The following PRIM1 variants were observed in gnomAD, a reference collection of about 807,000 sequenced individuals.
PRIM1 encodes DNA primase subunit 1.
Under a neutral mutation model 60.2 loss-of-function variants are expected in PRIM1, and 38 were observed. The ratio of observed to expected loss-of-function variants is 0.63; its 90% CI spans 0.49 to 0.83. The LOEUF (loss-of-function observed/expected upper bound fraction) is 0.83, where lower values mean the gene tolerates loss of function less well. Ranked by LOEUF, PRIM1 falls within the 40% of genes least tolerant of loss-of-function variation. The probability of loss-of-function intolerance (pLI) is 0.00; values close to 1 mark genes in which losing one functional copy is unlikely to be tolerated. For synonymous variants in PRIM1, 158 were observed against 160.2 expected (o/e 0.99, Z 0.10); for missense variants, 388 against 506.2 (o/e 0.77, Z 2.24).
intron 5 of PRIM1, among the ~76,000 whole-genome samples, chr12:56,744,566 T>G (rs1188031685): frequency 6.6e-6 from 1 of 152,148 alleles, no homozygotes; most frequent in Non-Finnish European, 1.5e-5. Flanking sequence ...TTTCTATGTT[T>G]AGGTATGTTT....
intron 2 of PRIM1, among the ~76,000 whole-genome samples, chr12:56,747,663 T>C (rs536125564): frequency 1.3e-5 from 2 of 152,296 alleles, no homozygotes; most frequent in East Asian, 3.9e-4. Context: ...GGAGTATCAT[T>C]GAACCCGGGA....
intron 1 of PRIM1, 31 bp downstream of exon 1, chr12:56,752,165 C>G: frequency 6.7e-7 from 1 of 1,493,486 alleles, no homozygotes; most frequent in Non-Finnish European, 9.2e-7. Flanking sequence ...CCTCACACTC[C>G]GCTCCCGAAC....
chr12:56,752,158 CA>C (rs1231962458), intron 1 of PRIM1, 37 bp downstream of exon 1: 1 of 1,462,024 alleles, frequency 6.8e-7, no homozygotes, highest in South Asian at 1.2e-5. Flanking sequence ...CCAACCTCCT[CA>C]CACTCCGCTC....
At chr12:56,750,894 G>A (rs996086355) in intron 2 of PRIM1, 144 bp downstream of exon 2, 1 of 507,892 alleles carries the variant, frequency 2.0e-6, no homozygotes, top group African/African-American at 2.0e-5. Context: ...GAACAAAAAA[G>A]GATTAATCAC....
At chr12:56,739,440 G>T in intron 9 of PRIM1, 77 bp from the exon 10 acceptor site, 2 of 1,024,026 alleles carry the variant, frequency 2.0e-6, no homozygotes, top group South Asian at 4.3e-5. Flanking sequence ...GTTATTTTTG[G>T]TTAAAATTTT....
At chr12:56,747,404 A>G (rs1271649863) in intron 2 of PRIM1, among the ~76,000 whole-genome samples, 2 of 152,162 alleles carry the variant, frequency 1.3e-5, no homozygotes, top group Non-Finnish European at 1.5e-5. Flanking sequence ...TTTTTCAATA[A>G]TTCAAAAAGA....
chr12:56,738,918 A>G (rs908569893), intron 10 of PRIM1, among the ~76,000 whole-genome samples: 2 of 152,220 alleles, frequency 1.3e-5, no homozygotes, highest in South Asian at 2.1e-4. Flanking sequence ...TGTGAATCCC[A>G]TAAAATTTAC....
At chr12:56,732,644 C>T (rs1394202598) in intron 12 of PRIM1, among the ~76,000 whole-genome samples, 1 of 152,138 alleles carries the variant, frequency 6.6e-6, no homozygotes, top group Non-Finnish European at 1.5e-5. Flanking sequence ...TAGCCCATCA[C>T]TTCTGGACAC....
chr12:56,732,853 T>G (rs1052040533), intron 12 of PRIM1, among the ~76,000 whole-genome samples: 1 of 151,896 alleles, frequency 6.6e-6, no homozygotes, highest in Non-Finnish European at 1.5e-5. Context: ...CATTAGGGAT[T>G]AGAAATTTTT....
chr12:56,749,365 T>C (rs1360417651), intron 2 of PRIM1, among the ~76,000 whole-genome samples: 8 of 152,130 alleles, frequency 5.3e-5, no homozygotes, highest in Admixed American at 4.6e-4. Flanking sequence ...ACCATGTGCA[T>C]ACATAACTGA....
At chr12:56,750,736 C>T (rs560511187) in intron 2 of PRIM1, among the ~76,000 whole-genome samples, 190 of 152,118 alleles carry the variant, frequency 1.2e-3, no homozygotes, top group African/African-American at 4.4e-3. Flanking sequence ...ATTACAGGCG[C>T]GTACCACCAC....
At chr12:56,738,670 G>C (rs1306417817) in intron 10 of PRIM1, 145 bp from the exon 11 acceptor site, 1 of 783,612 alleles carries the variant, frequency 1.3e-6, no homozygotes, top group Non-Finnish European at 2.0e-6. Context: ...TTCTGCCTCA[G>C]CCTCCCAAGT....
intron 12 of PRIM1, among the ~76,000 whole-genome samples, chr12:56,733,325 T>G (rs1953797964): frequency 6.6e-6 from 1 of 151,440 alleles, no homozygotes; most frequent in Non-Finnish European, 1.5e-5. Flanking sequence ...ACCCAGCTAA[T>G]TTTTTGTATT....
chr12:56,746,295 C>T (rs1592335040), intron 4 of PRIM1, 114 bp from the exon 5 acceptor site: 1 of 1,236,772 alleles, frequency 8.1e-7, no homozygotes. Context: ...CATCTCTTTA[C>T]CCATCCTGGT....
chr12:56,752,081 A>C lies in PRIM1; in HGVS notation c.103+115T>G, dbSNP rs1953973028. ...GGGGCGGGCTCGAGAGAGCAAATGAAGGCGCGCGGCACAAAGCCTGGTGCA... is the reference window on the plus strand; with the variant it reads ...GGGGCGGGCTCGAGAGAGCAAATGACGGCGCGCGGCACAAAGCCTGGTGCA... On this transcript the variant is annotated intron_variant, in intron 1 of 12. Coordinates refer to ENST00000338193, the MANE Select transcript of PRIM1 (RefSeq NM_000946.3). 4.6e-6 allele frequency: 3 copies of C among 645,812 alleles called. No individual in the cohort carries two copies. The South Asian group carries it at 6.1e-5, about 13-fold the overall frequency. The allele number at this position is 645,812 out of a possible 1,614,324, so 40.0% of individuals were successfully genotyped here.
At chr12:56,745,153 T>C (rs1167164906) in intron 5 of PRIM1, among the ~76,000 whole-genome samples, 1 of 151,314 alleles carries the variant, frequency 6.6e-6, no homozygotes, top group Non-Finnish European at 1.5e-5. Flanking sequence ...GGCTCACACC[T>C]GTAATCTCAG....
chr12:56,738,070 C>A (rs777249304), intron 11 of PRIM1, among the ~76,000 whole-genome samples: 2 of 152,192 alleles, frequency 1.3e-5, no homozygotes, highest in Non-Finnish European at 2.9e-5. Context: ...ACAGTTTAGA[C>A]ATATGTTTAC....
At chr12:56,744,028 A>C (rs1421145557) in intron 6 of PRIM1, 37 bp downstream of exon 6, 11 of 1,449,890 alleles carry the variant, frequency 7.6e-6, no homozygotes, top group African/African-American at 4.2e-5. Context: ...CCGGTAAATC[A>C]GACACCTTAA....
chr12:56,739,736 T>C (rs1565905527), intron 9 of PRIM1, among the ~76,000 whole-genome samples: 1 of 152,168 alleles, frequency 6.6e-6, no homozygotes, highest in Non-Finnish European at 1.5e-5. Flanking sequence ...AGTTGGGGTC[T>C]CACTATGTTG....
Sources: gnomAD v4.1 joint callset for allele counts (sites outside exome capture counted in the v4.1 genomes callset) on GRCh38, gnomAD v4.1.1 for gene constraint, MANE v1.5 for transcripts, NCBI Gene and HGNC (gene_info 2026-07-23, HGNC 2026-07-21) for gene names.